Variants in FTO observed in about 807,000 individuals in gnomAD.
FTO encodes the protein alpha-ketoglutarate-dependent dioxygenase FTO.
FTO carries 47 observed loss-of-function variants against 63.9 expected under a neutral mutation model. That is an observed-to-expected ratio of 0.74 (90% CI 0.58 to 0.94). The LOEUF (loss-of-function observed/expected upper bound fraction) is 0.94. Among genes scored for constraint, FTO ranks in the 40% least tolerant of loss-of-function variants. The pLI, the probability that FTO is intolerant of heterozygous loss-of-function variation, is 0.00. For synonymous variants in FTO, 207 were observed against 224.4 expected (o/e 0.92, Z 0.69); for missense variants, 562 against 618.1 (o/e 0.91, Z 0.96).
rs531541144 is a variant in FTO, at chr16:54,119,075, A to T, written c.*7160A>T. On this transcript the variant is annotated 3_prime_UTR_variant, in exon 9 of 9. Transcript: ENST00000471389. ...TTGGAGAAATAGAAACCTCTCTTGC[A>T]CAAGAATAGTCTCAATGAATCATGT... The T allele has an allele frequency of 6.6e-6, 1 of 152,308 alleles. No individual in the cohort carries two copies. Among genetic ancestry groups the T allele is most frequent in the South Asian group, 2.1e-4 (1 of 4,820 alleles). 9.4% of individuals were successfully genotyped at this position (152,308 alleles called of 1,614,324 possible).
chr16:54,072,297 A>C (rs2085889614), intron 8 of FTO: 1 of 152,176 alleles, frequency 6.6e-6, no homozygotes, highest in Admixed American at 6.5e-5. Flanking sequence ...GATTAACTGC[A>C]GTGGATCATG....
At chr16:53,996,560 G>A (rs1481253530) in intron 8 of FTO, among the ~76,000 whole-genome samples, 1 of 152,190 alleles carries the variant, frequency 6.6e-6, no homozygotes, top group Non-Finnish European at 1.5e-5. Flanking sequence ...GGAGACTAGT[G>A]AGTAAACAAT....
chr16:53,803,104 C>A (rs762326295), intron 1 of FTO, among the ~76,000 whole-genome samples: 1 of 152,162 alleles, frequency 6.6e-6, no homozygotes, highest in South Asian at 2.1e-4. Context: ...AACTTCCATG[C>A]CTTGTTGCTT....
At chr16:53,965,228 C>T (rs1194597128) in intron 8 of FTO, among the ~76,000 whole-genome samples, 2 of 152,156 alleles carry the variant, frequency 1.3e-5, no homozygotes, top group African/African-American at 4.8e-5. Context: ...CATGCGTCAC[C>T]ACGCCTGGCT....
intron 8 of FTO, among the ~76,000 whole-genome samples, chr16:54,067,855 G>T (rs1385671342): frequency 6.6e-6 from 1 of 152,182 alleles, no homozygotes; most frequent in Non-Finnish European, 1.5e-5. Flanking sequence ...GCAAACAAGG[G>T]AGCCAAGTTG....
chr16:53,824,896 G>A (rs1240654467), intron 2 of FTO, among the ~76,000 whole-genome samples: 2 of 152,156 alleles, frequency 1.3e-5, no homozygotes, highest in African/African-American at 2.4e-5. Flanking sequence ...GTCTGACACC[G>A]ATTCACATGC....
intron 5 of FTO, 85 bp from the exon 6 acceptor site, chr16:53,879,759 G>T: frequency 6.6e-7 from 1 of 1,512,146 alleles, no homozygotes; most frequent in Non-Finnish European, 9.2e-7. Flanking sequence ...TCACAGCCAG[G>T]GACAAATATG....
intron 1 of FTO, among the ~76,000 whole-genome samples, chr16:53,741,100 T>C (rs529149783): frequency 1.3e-5 from 2 of 152,230 alleles, no homozygotes; most frequent in Non-Finnish European, 2.9e-5. Flanking sequence ...TTAAAATTGT[T>C]TCCCCAAATA....
At chr16:54,066,301 G>C (rs2085729237) in intron 8 of FTO, among the ~76,000 whole-genome samples, 1 of 152,160 alleles carries the variant, frequency 6.6e-6, no homozygotes, top group African/African-American at 2.4e-5. Context: ...AGGCTGACTG[G>C]CTTTCTTGGG....
At chr16:53,874,210 A>C (rs138909727) in intron 5 of FTO, among the ~76,000 whole-genome samples, 4 of 152,182 alleles carry the variant, frequency 2.6e-5, no homozygotes, top group African/African-American at 9.6e-5. Context: ...GCAGATTTTT[A>C]TGCTTGTGCA....
At chr16:53,992,846 A>G (rs930655087) in intron 8 of FTO, 2 of 152,222 alleles carry the variant, frequency 1.3e-5, no homozygotes, top group Admixed American at 6.5e-5. Flanking sequence ...ATGGTGTTAT[A>G]TGGTCATGAA....
At chr16:54,038,518 G>A (rs1307661809) in intron 8 of FTO, among the ~76,000 whole-genome samples, 2 of 152,138 alleles carry the variant, frequency 1.3e-5, no homozygotes, top group Non-Finnish European at 2.9e-5. Context: ...GCTATGGTTT[G>A]GATGTGTGTC....
intron 1 of FTO, among the ~76,000 whole-genome samples, chr16:53,753,009 C>T (rs78732518): frequency 0.022 from 3,290 of 150,780 alleles, 49 homozygotes; most frequent in Middle Eastern, 0.086. Flanking sequence ...GCCTGTAGTT[C>T]CAGCACTTTG....
chr16:53,950,154 G>GAAAAAAAAAAAAAA (rs1485854642), intron 8 of FTO, among the ~76,000 whole-genome samples: 1 of 26,498 alleles, frequency 3.8e-5, no homozygotes. Flanking sequence ...ATTCACATTT[G>GAAAAAAAAAAAAAA]TAAAAAAAAA....
chr16:53,887,127 G>A (rs1227446671), intron 6 of FTO, among the ~76,000 whole-genome samples: 1 of 152,194 alleles, frequency 6.6e-6, no homozygotes, highest in Non-Finnish European at 1.5e-5. Flanking sequence ...CGTTCAACCT[G>A]AACTAGCTTA....
chr16:53,873,254 A>G (rs981758641), intron 4 of FTO, among the ~76,000 whole-genome samples: 2 of 152,184 alleles, frequency 1.3e-5, no homozygotes, highest in African/African-American at 2.4e-5. Context: ...AGCTCAATTC[A>G]TATATAGTGA....
At chr16:53,865,602 A>G (rs1005860526) in intron 4 of FTO, among the ~76,000 whole-genome samples, 1 of 152,108 alleles carries the variant, frequency 6.6e-6, no homozygotes, top group African/African-American at 2.4e-5. Flanking sequence ...GTTCATTAGC[A>G]TGTCCTATTG....
intron 8 of FTO, among the ~76,000 whole-genome samples, chr16:54,008,805 AAATAATAATAAT>A (rs142826263): frequency 0.015 from 2,112 of 140,952 alleles, 36 homozygotes; most frequent in African/African-American, 0.046. Flanking sequence ...CTGTCTCCAC[AAATAATAATAAT>A]AATAATAATA....
At chr16:53,998,191 A>C (rs1463936864) in intron 8 of FTO, 1 of 152,266 alleles carries the variant, frequency 6.6e-6, no homozygotes, top group African/African-American at 2.4e-5. Context: ...ACAAGAAGGG[A>C]GAGTCAAGAT....
Sources: gnomAD v4.1 joint callset for allele counts (sites outside exome capture counted in the v4.1 genomes callset) on GRCh38, gnomAD v4.1.1 for gene constraint, MANE v1.5 for transcripts, NCBI Gene and HGNC (gene_info 2026-07-23, HGNC 2026-07-21) for gene names.